NCKAP5: variants seen among roughly 807,000 people sequenced by gnomAD.
The protein encoded by NCKAP5 is NCK associated protein 5.
In NCKAP5, 92 loss-of-function variants were observed where a neutral mutation model predicts 167.0. The ratio of observed to expected loss-of-function variants is 0.55; its 90% CI spans 0.47 to 0.66. The LOEUF (loss-of-function observed/expected upper bound fraction) is 0.66. NCKAP5 is among the 30% of genes least tolerant of loss of function. The pLI is 0.00. For missense variants in NCKAP5, 2,378 were observed against 2,315.0 expected (o/e 1.03, Z -0.56); for synonymous variants, 891 against 877.4 (o/e 1.02, Z -0.27).
chr2:132,946,393 A>T (rs796484261), intron 8 of NCKAP5, among the ~76,000 whole-genome samples: 44 of 152,294 alleles, frequency 2.9e-4, no homozygotes, highest in African/African-American at 1.0e-3. Context: ...ATGAGTAATG[A>T]CAATGTTTTG....
intron 5 of NCKAP5, among the ~76,000 whole-genome samples, chr2:133,136,695 A>G (rs990865027): frequency 9.9e-5 from 15 of 152,240 alleles, no homozygotes; most frequent in Non-Finnish European, 1.5e-4. Context: ...TCTTAAGGTA[A>G]GAAATGAATA....
In NCKAP5 at chr2:133,214,074, C is replaced by G. The variant is rs191790216; in HGVS notation, c.144-295G>C. 6.8e-3 allele frequency among the ~76,000 whole-genome samples: 1,033 copies of G among 152,212 alleles called. 19 individuals carry two copies. Among genetic ancestry groups the G allele is most frequent in the Non-Finnish European group, 6.2e-3 (420 of 67,996 alleles). On this transcript the variant is annotated intron_variant, in intron 4 of 19. Transcript: ENST00000409261. ...TCACTCACAAATAAATTTTTCATGGCTATAGTATTTTAGTTGACTTTTCTC... is the reference window on the plus strand; with the variant it reads ...TCACTCACAAATAAATTTTTCATGGGTATAGTATTTTAGTTGACTTTTCTC...
chr2:133,674,436 A>G, the NCKAP5 span, among the ~76,000 whole-genome samples: 1,271 of 152,290 alleles, frequency 8.3e-3, 20 homozygotes, highest in African/African-American at 0.03. Context: ...AACATTTAAA[A>G]ATGTACCATC....
intron 6 of NCKAP5, among the ~76,000 whole-genome samples, chr2:133,082,026 TC>T (rs992761791): frequency 6.6e-6 from 1 of 152,074 alleles, no homozygotes; most frequent in African/African-American, 2.4e-5. Context: ...TTCGATCCTC[TC>T]CCTCCTCCCA....
chr2:132,770,834 GAAGC>G, intron 16 of NCKAP5, among the ~76,000 whole-genome samples: 1 of 152,336 alleles, frequency 6.6e-6, no homozygotes, highest in East Asian at 1.9e-4. Context: ...AGATTATAAT[GAAGC>G]TGAAAAATTC....
intron 5 of NCKAP5, among the ~76,000 whole-genome samples, chr2:133,153,756 A>G (rs1457838244): frequency 7.0e-6 from 1 of 141,936 alleles, no homozygotes; most frequent in African/African-American, 2.6e-5. Flanking sequence ...TCCCCTCCCA[A>G]CACACCCCTA....
intron 6 of NCKAP5, among the ~76,000 whole-genome samples, chr2:133,041,445 G>C (rs1193271725): frequency 7.9e-5 from 12 of 152,102 alleles, no homozygotes. Context: ...CACGAATTTT[G>C]AGAATATTCA....
chr2:132,694,107 A>T (rs189544939), intron 19 of NCKAP5, among the ~76,000 whole-genome samples: 7 of 126,950 alleles, frequency 5.5e-5, no homozygotes, highest in Non-Finnish European at 9.7e-5. Flanking sequence ...TAAGTGTTTT[A>T]TTTATTTATT....
At chr2:133,483,967 T>C (rs958610303) in intron 3 of NCKAP5, among the ~76,000 whole-genome samples, 2 of 152,238 alleles carry the variant, frequency 1.3e-5, no homozygotes, top group African/African-American at 2.4e-5. Context: ...TGCCTGTGGT[T>C]ATAATTTTAT....
At chr2:133,500,196 A>T (rs1286014264) in intron 3 of NCKAP5, among the ~76,000 whole-genome samples, 1 of 152,214 alleles carries the variant, frequency 6.6e-6, no homozygotes, top group Non-Finnish European at 1.5e-5. Flanking sequence ...CACTGAGGAT[A>T]AATTCTATTA....
chr2:132,692,354 T>C (rs1232976804), intron 19 of NCKAP5, among the ~76,000 whole-genome samples: 4 of 152,062 alleles, frequency 2.6e-5, no homozygotes, highest in Non-Finnish European at 5.9e-5. Flanking sequence ...GGTTTTGCCA[T>C]GTTGGCCAGT....
At chr2:132,971,625 G>A (rs2076837593) in intron 7 of NCKAP5, among the ~76,000 whole-genome samples, 1 of 152,186 alleles carries the variant, frequency 6.6e-6, no homozygotes, top group African/African-American at 2.4e-5. Context: ...GGGAGTTGAA[G>A]GAACCATTAT....
chr2:133,621,168 C>T, the NCKAP5 span, among the ~76,000 whole-genome samples: 1 of 151,970 alleles, frequency 6.6e-6, no homozygotes, highest in African/African-American at 2.4e-5. Flanking sequence ...CACCAAAAAA[C>T]CTGAAAGAGC....
intron 6 of NCKAP5, among the ~76,000 whole-genome samples, chr2:133,032,098 A>G (rs929397410): frequency 6.6e-6 from 1 of 152,114 alleles, no homozygotes; most frequent in Non-Finnish European, 1.5e-5. Context: ...AAGGAAAAGT[A>G]AAAAGGGCTT....
At chr2:133,287,625 A>G (rs1559353338) in intron 4 of NCKAP5, among the ~76,000 whole-genome samples, 3 of 152,346 alleles carry the variant, frequency 2.0e-5, no homozygotes, top group South Asian at 4.1e-4. Context: ...AAGGCCAGGT[A>G]CCTACAATAT....
intron 3 of NCKAP5, among the ~76,000 whole-genome samples, chr2:133,400,171 A>C (rs1413507736): frequency 6.6e-6 from 1 of 152,074 alleles, no homozygotes; most frequent in African/African-American, 2.4e-5. Context: ...AGTTTCAGTT[A>C]ATGAGGATCA....
chr2:133,309,343 T>C (rs957572397), intron 3 of NCKAP5, among the ~76,000 whole-genome samples: 1 of 152,122 alleles, frequency 6.6e-6, no homozygotes, highest in African/African-American at 2.4e-5. Flanking sequence ...TGATCTGAAA[T>C]ACCACAAGGA....
rs193063580 is a variant in NCKAP5, at chr2:133,299,303, C to A, written c.143+3734G>T. 1.3e-3 allele frequency among the ~76,000 whole-genome samples: 192 copies of A among 152,174 alleles called. 1 individual carries two copies. The highest frequency in any genetic ancestry group is 4.3e-3 in the African/African-American group (178 of 41,524). On this transcript the variant is annotated intron_variant, in intron 4 of 19. Coordinates refer to ENST00000409261, the MANE Select transcript of NCKAP5 (RefSeq NM_207363.3). ...GAGGTTATTAGAATTTTTACAGTGG[C>A]GCAACAAGAAGAGGCAACCCGGCCT... is the stretch of plus-strand genomic sequence containing the variant.
rs1695369756 is a variant in NCKAP5, at chr2:132,920,830, G to T, written c.580-41914C>A. Among the ~76,000 whole-genome samples, 3 of 103,026 alleles carry T rather than the reference G, an allele frequency of 2.9e-5. No homozygotes were observed. In the South Asian group the frequency reaches 1.1e-3, roughly 39 times the overall value. The allele number at this position is 103,026 out of a possible 152,430, so 67.6% of individuals were successfully genotyped here. A position where few individuals can be genotyped will look rare whatever the true frequency, so the allele number is the denominator to read the frequency against. ...ATATATATATATATGGAAGAACTAG[G>T]TTGTCCTTTGAGGGCTGGGTCCTTC... On this transcript the variant is annotated intron_variant, in intron 8 of 19. Transcript: ENST00000409261.
Sources: gnomAD v4.1 joint callset for allele counts (sites outside exome capture counted in the v4.1 genomes callset) on GRCh38, gnomAD v4.1.1 for gene constraint, MANE v1.5 for transcripts, NCBI Gene and HGNC (gene_info 2026-07-23, HGNC 2026-07-21) for gene names.